Variants in NDOR1 observed in about 807,000 individuals in gnomAD.
NDOR1 encodes NADPH dependent diflavin oxidoreductase 1.
A neutral mutation model predicts 67.2 loss-of-function variants in NDOR1; 61 were observed. That is an observed-to-expected ratio of 0.91 (90% confidence interval 0.74 to 1.12). The LOEUF (loss-of-function observed/expected upper bound fraction) is 1.12, where lower values mean the gene tolerates loss of function less well. Among genes scored for constraint, NDOR1 ranks in the 50% most tolerant of loss-of-function variants. The probability of loss-of-function intolerance (pLI) is 0.00; values close to 1 mark genes in which losing one functional copy is unlikely to be tolerated. For missense variants in NDOR1, 878 were observed against 802.8 expected (o/e 1.09, Z -1.13); for synonymous variants, 378 against 343.7 (o/e 1.10, Z -1.10).
chr9:137,213,186 C>T (rs977160195), intron 3 of NDOR1, among the ~76,000 whole-genome samples: 7 of 152,204 alleles, frequency 4.6e-5, no homozygotes, highest in Non-Finnish European at 1.0e-4. Flanking sequence ...CCGGTTCTGC[C>T]GGGAGGTTTT....
chr9:137,207,573 T>C (rs909282125), intron 2 of NDOR1, among the ~76,000 whole-genome samples: 2 of 152,012 alleles, frequency 1.3e-5, no homozygotes, highest in Admixed American at 6.5e-5. Flanking sequence ...CCCAGAACGT[T>C]AGAGCCCAGG....
intron 2 of NDOR1, among the ~76,000 whole-genome samples, chr9:137,209,231 T>C (rs748876190): frequency 2.0e-5 from 3 of 152,110 alleles, no homozygotes; most frequent in Non-Finnish European, 4.4e-5. Context: ...AGAAAGAGGC[T>C]GAAGACTGAG....
chr9:137,215,271 G>A (rs1291164685), intron 9 of NDOR1, 69 bp downstream of exon 9: 24 of 1,558,928 alleles, frequency 1.5e-5, no homozygotes, highest in Admixed American at 1.2e-4. Flanking sequence ...GTGGGGTTTT[G>A]TAAGCAGGGG....
rs1256569926 is a variant in NDOR1 at position 137,219,249 on chromosome 9, C to T, written c.*2833C>T. 6.6e-6 allele frequency: 1 copy of T among 152,232 alleles called. No individual in the cohort carries two copies. The highest frequency in any genetic ancestry group is 1.5e-5 in the Non-Finnish European group (1 of 68,080). 9.4% of individuals were successfully genotyped at this position (152,232 alleles called of 1,614,324 possible). A position where few individuals can be genotyped will look rare whatever the true frequency, so the allele number is the denominator to read the frequency against. Reference sequence around the variant, plus strand: ...CAGGCCTTGGAACATAAGCTCTGCCCCTGCACACCCTCATGTCACCACACC... The same window carrying T: ...CAGGCCTTGGAACATAAGCTCTGCCTCTGCACACCCTCATGTCACCACACC... On this transcript the variant is annotated 3_prime_UTR_variant, in exon 14 of 14. Transcript: ENST00000684003.
intron 3 of NDOR1, 50 bp from the exon 4 acceptor site, chr9:137,213,730 C>T (rs766439435): frequency 1.3e-5 from 21 of 1,570,986 alleles, no homozygotes; most frequent in African/African-American, 2.7e-5. Context: ...TGCCTGGGCA[C>T]CACTCTCCGC....
chr9:137,215,889 A>G lies in NDOR1; in HGVS notation c.1436-10A>G. ...GGACCTGTGGCCAAGAGCACCCTGTATTTCCCTAGGAAACTTCTTGTTTTT... is the reference window on the plus strand; with the variant it reads ...GGACCTGTGGCCAAGAGCACCCTGTGTTTCCCTAGGAAACTTCTTGTTTTT... On this transcript the variant is annotated splice_polypyrimidine_tract_variant and intron_variant, in intron 11 of 13. Transcript: ENST00000684003. The G allele has an allele frequency of 6.2e-7, 1 of 1,613,222 alleles. No individual in the cohort carries two copies.
In NDOR1 at chr9:137,217,263, G is replaced by A. The variant is rs942310463; in HGVS notation, c.*847G>A. Among the ~76,000 whole-genome samples the A allele has an allele frequency of 5.9e-5, 9 of 152,164 alleles. No individual in the cohort carries two copies. The highest frequency in any genetic ancestry group is 1.3e-4 in the Admixed American group (2 of 15,284). On this transcript the variant is annotated 3_prime_UTR_variant, in exon 14 of 14. Transcript: ENST00000684003. ...TATGTCTGCCTCTAATGGGATGTGC[G>A]CCCTGACTGCCTCGTTCTTAAGGGC...
chr9:137,205,756 C>T lies in NDOR1; in HGVS notation c.-22C>T, dbSNP rs1426728904. On this transcript the variant is annotated 5_prime_UTR_variant, in exon 1 of 14. Transcript: ENST00000684003. ...CTGCCTTCTAGTTTTTAGTCTCAGA[C>T]CAGACCACCGGGCGCACCCCGATGC... 1 of 1,601,534 alleles carries T rather than the reference C, an allele frequency of 6.2e-7. No homozygotes were observed. Among genetic ancestry groups the T allele is most frequent in the Non-Finnish European group, 8.5e-7 (1 of 1,179,604 alleles).
At chr9:137,210,707 C>T (rs780677214) in intron 2 of NDOR1, among the ~76,000 whole-genome samples, 1 of 152,032 alleles carries the variant, frequency 6.6e-6, no homozygotes, top group Non-Finnish European at 1.5e-5. Flanking sequence ...ATTAGCTGGG[C>T]GTGGTGACAC....
rs749335341 is a variant in NDOR1 at position 137,214,030 on chromosome 9, G to A, written c.474G>A (p.Pro158=). The A allele has an allele frequency of 1.5e-5, 23 of 1,545,930 alleles. No homozygotes were observed. The highest frequency in any genetic ancestry group is 3.6e-5 in the South Asian group (3 of 84,434). ...DLWDRVLGLY[P]PPPGLTEIPP... is the part of the protein sequence containing the mutation. ...GGGACAGGGTTCTGGGGCTGTACCC[G>A]CCGCCTCCGGGCCTCACTGAGATCC... The change falls in exon 5 of 14, where the codon CCG becomes CCA. Residue 158 remains proline (P), a synonymous_variant. Coordinates refer to ENST00000684003, the MANE Select transcript of NDOR1 (RefSeq NM_014434.4).
rs1369374198 is a variant in NDOR1 at position 137,215,406 on chromosome 9, G to T, written c.1174-1G>T. The T allele has an allele frequency of 2.7e-6, 4 of 1,467,076 alleles. No individual in the cohort carries two copies. Among genetic ancestry groups the T allele is most frequent in the Non-Finnish European group, 3.8e-6 (4 of 1,063,154 alleles). The allele number at this position is 1,467,076 out of a possible 1,614,324, so 90.9% of individuals were successfully genotyped here. On this transcript the variant is annotated splice_acceptor_variant, in intron 9 of 13. Transcript: ENST00000684003. LOFTEE classifies it high-confidence loss of function. Reference sequence around the variant, plus strand: ...CACCCCCACCCCGCCGTCCTCCCCAGACTCACCCCTCACGGCTGCAGATCC... The same window carrying T: ...CACCCCCACCCCGCCGTCCTCCCCATACTCACCCCTCACGGCTGCAGATCC...
chr9:137,217,985 G>T lies in NDOR1; in HGVS notation c.*1569G>T. Reference sequence around the variant, plus strand: ...GACTACAGCCAGTGAGCCCCTGCTGGGGGCCAAAGCCATGGAGGGTGCCTG... The same window carrying T: ...GACTACAGCCAGTGAGCCCCTGCTGTGGGCCAAAGCCATGGAGGGTGCCTG... On this transcript the variant is annotated 3_prime_UTR_variant, in exon 14 of 14. Transcript: ENST00000684003. The T allele has an allele frequency of 2.5e-6, 1 of 398,840 alleles. No individual in the cohort carries two copies. The highest frequency in any genetic ancestry group is 4.4e-6 in the Non-Finnish European group (1 of 226,198). The allele number at this position is 398,840 out of a possible 1,614,324, so 24.7% of individuals were successfully genotyped here. A position where few individuals can be genotyped will look rare whatever the true frequency, so the allele number is the denominator to read the frequency against.
Position 137,218,283 on chromosome 9 carries a change from C to T in NDOR1, c.*1867C>T, listed in dbSNP as rs1835727140. The T allele has an allele frequency of 1.0e-5, 4 of 398,196 alleles. No homozygotes were observed. Among genetic ancestry groups the T allele is most frequent in the Non-Finnish European group, 4.4e-6 (1 of 225,826 alleles). The allele number at this position is 398,196 out of a possible 1,614,324, so 24.7% of individuals were successfully genotyped here. ...CGGCTACAGGAGGAGCTGCTACAGG[C>T]CGACGGGCCCTCACGCCAGCCCCGC... On this transcript the variant is annotated 3_prime_UTR_variant, in exon 14 of 14. Transcript: ENST00000684003.
chr9:137,217,225 C>T lies in NDOR1; in HGVS notation c.*809C>T, dbSNP rs1835656498. 6.6e-6 allele frequency among the ~76,000 whole-genome samples: 1 copy of T among 152,286 alleles called. No individual in the cohort carries two copies. Among genetic ancestry groups the T allele is most frequent in the East Asian group, 1.9e-4 (1 of 5,172 alleles). On this transcript the variant is annotated 3_prime_UTR_variant, in exon 14 of 14. Transcript: ENST00000684003. ...TGTTGGGCTGCCTGTGCCCGAGTGG[C>T]CTCTGCAGCTCTTATGTCTGCCTCT...
Position 137,216,194 on chromosome 9 carries a change from C to G in NDOR1, c.1649+6C>G. 6.2e-7 allele frequency: 1 copy of G among 1,613,334 alleles called. No homozygotes were observed. On this transcript the variant is annotated splice_donor_region_variant and intron_variant, in intron 13 of 13. Coordinates refer to ENST00000684003, the MANE Select transcript of NDOR1 (RefSeq NM_014434.4). ...GCATACTTCTACCTGGCAGGGTGAG[C>G]TGGCCTGCGTGCAGCAGGAGTGGGC...
In NDOR1 at chr9:137,216,547, C is replaced by T; in HGVS notation, c.*131C>T. On this transcript the variant is annotated 3_prime_UTR_variant, in exon 14 of 14. Transcript: ENST00000684003. ...CAGCTGGTCCTCTGGGAACAGCCAG[C>T]TCCCGAGCACAGCCGCACTCCTGTT... is the stretch of plus-strand genomic sequence containing the variant. 8.2e-7 allele frequency: 1 copy of T among 1,220,938 alleles called. No individual in the cohort carries two copies. The highest frequency in any genetic ancestry group is 1.1e-6 in the Non-Finnish European group (1 of 898,006). 75.6% of individuals were successfully genotyped at this position (1,220,938 alleles called of 1,614,324 possible). A position where few individuals can be genotyped will look rare whatever the true frequency, so the allele number is the denominator to read the frequency against.
intron 3 of NDOR1, among the ~76,000 whole-genome samples, 185 bp from the exon 4 acceptor site, chr9:137,213,595 C>T (rs1835365507): frequency 6.6e-6 from 1 of 152,122 alleles, no homozygotes; most frequent in Admixed American, 6.5e-5. Context: ...GTCTCGGCAG[C>T]CCCTGGCGTG....
In NDOR1 at chr9:137,214,902, C is replaced by T; in HGVS notation, c.949C>T (p.Leu317=). The change falls in exon 8 of 14, where the codon CTG becomes TTG. Residue 317 remains leucine (L), a synonymous_variant. Transcript: ENST00000684003. ...GCCTCGCCGCTCCTTCTTCGAACTCCTGGCCTGTCTATCCCTCCATGAGCT... is the reference window on the plus strand; with the variant it reads ...GCCTCGCCGCTCCTTCTTCGAACTCTTGGCCTGTCTATCCCTCCATGAGCT... The part of the protein sequence containing the change: ...SVPRRSFFEL[L]ACLSLHELER... The T allele has an allele frequency of 6.2e-7, 1 of 1,612,760 alleles. No individual in the cohort carries two copies. Among genetic ancestry groups the T allele is most frequent in the South Asian group, 1.1e-5 (1 of 91,086 alleles).
At chr9:137,211,712 CA>C (rs1269299709) in intron 2 of NDOR1, among the ~76,000 whole-genome samples, 6 of 152,002 alleles carry the variant, frequency 3.9e-5, no homozygotes, top group Non-Finnish European at 5.9e-5. Context: ...CCCGGGAGGC[CA>C]GGGGTGGTCC....
Sources: gnomAD v4.1 joint callset for allele counts (sites outside exome capture counted in the v4.1 genomes callset) on GRCh38, gnomAD v4.1.1 for gene constraint, MANE v1.5 for transcripts, NCBI Gene and HGNC (gene_info 2026-07-23, HGNC 2026-07-21) for gene names.